CYYR1: variants seen among roughly 807,000 people sequenced by gnomAD.
CYYR1 encodes cysteine and tyrosine-rich protein 1.
Under a neutral mutation model 15.2 loss-of-function variants are expected in CYYR1, and 14 were observed. The ratio of observed to expected loss-of-function variants is 0.92; its 90% confidence interval spans 0.61 to 1.44. The LOEUF is 1.44. Among genes scored for constraint, CYYR1 ranks in the 40% most tolerant of loss-of-function variants. The probability of loss-of-function intolerance (pLI) is 0.00; values close to 1 mark genes in which losing one functional copy is unlikely to be tolerated. For missense variants in CYYR1, 228 were observed against 209.5 expected (o/e 1.09, Z -0.54); for synonymous variants, 80 against 77.4 (o/e 1.03, Z -0.18).
At chr21:26,474,638 G>A (rs17002198) in intron 3 of CYYR1, among the ~76,000 whole-genome samples, 3,512 of 151,844 alleles carry the variant, frequency 0.023, 133 homozygotes, top group African/African-American at 0.079. Flanking sequence ...TTCTCTTATC[G>A]TTCTTGTGAT....
chr21:26,548,885 C>T (rs1473857673), intron 2 of CYYR1, among the ~76,000 whole-genome samples: 1 of 152,126 alleles, frequency 6.6e-6, no homozygotes, highest in Non-Finnish European at 1.5e-5. Flanking sequence ...GAAATCTCTA[C>T]TTTTCACTGA....
chr21:26,497,066 A>G (rs1361563018), intron 2 of CYYR1, among the ~76,000 whole-genome samples: 1 of 152,064 alleles, frequency 6.6e-6, no homozygotes, highest in East Asian at 1.9e-4. Flanking sequence ...ACAACACACA[A>G]CTTTGCTATA....
intron 2 of CYYR1, among the ~76,000 whole-genome samples, chr21:26,516,998 C>T (rs1041803198): frequency 6.7e-6 from 1 of 149,636 alleles, no homozygotes; most frequent in African/African-American, 2.5e-5. Context: ...GCCTGTAGTC[C>T]CAGCTACTCG....
chr21:26,469,808 G>A (rs1236078169), intron 3 of CYYR1, among the ~76,000 whole-genome samples: 1 of 151,880 alleles, frequency 6.6e-6, no homozygotes, highest in Admixed American at 6.6e-5. Flanking sequence ...AGTATCCTCT[G>A]TTCTACCTTT....
chr21:26,502,417 GTAAC>G (rs1259734689), intron 2 of CYYR1, among the ~76,000 whole-genome samples: 1 of 151,608 alleles, frequency 6.6e-6, no homozygotes, highest in Admixed American at 6.6e-5. Context: ...GACAGGAAGA[GTAAC>G]TAATAATTAC....
chr21:26,543,043 G>C (rs1978684031), intron 2 of CYYR1, among the ~76,000 whole-genome samples: 4 of 152,170 alleles, frequency 2.6e-5, no homozygotes, highest in Admixed American at 2.6e-4. Context: ...TCAAGTTAAA[G>C]TCTTTAAAAA....
At chr21:26,520,893 C>T (rs570511823) in intron 2 of CYYR1, among the ~76,000 whole-genome samples, 8 of 152,222 alleles carry the variant, frequency 5.3e-5, no homozygotes, top group African/African-American at 1.2e-4. Context: ...GGACATGGAT[C>T]GACCTGGAAG....
chr21:26,548,753 C>T (rs1979163768), intron 2 of CYYR1, among the ~76,000 whole-genome samples: 1 of 152,092 alleles, frequency 6.6e-6, no homozygotes, highest in Admixed American at 6.5e-5. Flanking sequence ...AATTTTCTAC[C>T]CACTGGATCT....
Position 26,502,634 on chromosome 21 carries a change from G to A in CYYR1, c.177-22205C>T, listed in dbSNP as rs117285198. 1.4e-3 allele frequency among the ~76,000 whole-genome samples: 206 copies of A among 152,200 alleles called. 4 individuals are homozygous for A. In the East Asian group the frequency reaches 0.039, roughly 29 times the overall value. On this transcript the variant is annotated intron_variant, in intron 2 of 3. Coordinates refer to ENST00000652641, the MANE Select transcript of CYYR1 (RefSeq NM_001320768.2). Reference sequence around the variant, plus strand: ...ATGCACACAAGGGCAAGATATGACAGTGTCTATTTCTTCTAGAGGACTCCG... The same window carrying A: ...ATGCACACAAGGGCAAGATATGACAATGTCTATTTCTTCTAGAGGACTCCG...
chr21:26,499,376 G>A (rs1447737338), intron 2 of CYYR1, among the ~76,000 whole-genome samples: 1 of 152,234 alleles, frequency 6.6e-6, no homozygotes, highest in Non-Finnish European at 1.5e-5. Flanking sequence ...CCAGAAACTG[G>A]GAGAGGTAAG....
At chr21:26,474,048 GTTT>G (rs35327076) in intron 3 of CYYR1, among the ~76,000 whole-genome samples, 4 of 105,052 alleles carry the variant, frequency 3.8e-5, no homozygotes, top group Non-Finnish European at 6.2e-5. Flanking sequence ...TTTTGTTTTC[GTTT>G]TTTTTTTTTT....
At chr21:26,478,117 G>A in intron 3 of CYYR1, 1 of 1,549,462 alleles carries the variant, frequency 6.5e-7, no homozygotes, top group Non-Finnish European at 8.7e-7. Flanking sequence ...CAAGATCTCT[G>A]CCTCATGGAG....
Position 26,482,225 on chromosome 21 carries a change from T to C in CYYR1, c.177-1796A>G, listed in dbSNP as rs939162594. ...ATCTGCTGAGCCAAGCAATGTACCA[T>C]AGTTAACTTTTACAAATTATTATCG... On this transcript the variant is annotated intron_variant, in intron 2 of 3. Coordinates refer to ENST00000652641, the MANE Select transcript of CYYR1 (RefSeq NM_001320768.2). The C allele has an allele frequency of 3.2e-5, 28 of 873,110 alleles. No homozygotes were observed. In the African/African-American group the frequency reaches 4.0e-4, roughly 13 times the overall value. The allele number at this position is 873,110 out of a possible 1,614,324, so 54.1% of individuals were successfully genotyped here.
chr21:26,554,058 T>C (rs1355052255), intron 2 of CYYR1, among the ~76,000 whole-genome samples: 1 of 152,220 alleles, frequency 6.6e-6, no homozygotes, highest in African/African-American at 2.4e-5. Flanking sequence ...GTTGTGCTTT[T>C]TGTTCTTTTA....
At chr21:26,514,597 C>T (rs557093032) in intron 2 of CYYR1, among the ~76,000 whole-genome samples, 11 of 152,292 alleles carry the variant, frequency 7.2e-5, no homozygotes, top group African/African-American at 2.6e-4. Context: ...CTCAGCTATT[C>T]CTTTAGAGCA....
At chr21:26,572,320 C>T (rs1449661310) in intron 1 of CYYR1, among the ~76,000 whole-genome samples, 1 of 152,122 alleles carries the variant, frequency 6.6e-6, no homozygotes, top group Non-Finnish European at 1.5e-5. Context: ...ACCAGATGCC[C>T]TTCTCTTATA....
intron 2 of CYYR1, among the ~76,000 whole-genome samples, chr21:26,526,981 G>A (rs2065875113): frequency 6.6e-6 from 1 of 152,194 alleles, no homozygotes. Context: ...GCAGGCACAA[G>A]CTATGTTAAG....
intron 2 of CYYR1, among the ~76,000 whole-genome samples, chr21:26,556,147 T>A (rs1979761819): frequency 6.6e-6 from 1 of 152,188 alleles, no homozygotes; most frequent in African/African-American, 2.4e-5. Flanking sequence ...TGACACCTAA[T>A]CTGTATTCCA....
At chr21:26,505,487 G>A (rs1443375047) in intron 2 of CYYR1, among the ~76,000 whole-genome samples, 1 of 152,158 alleles carries the variant, frequency 6.6e-6, no homozygotes, top group East Asian at 1.9e-4. Context: ...ACCTTGCTAA[G>A]CTTTAATATT....
Sources: allele counts gnomAD v4.1 joint callset (sites outside exome capture counted in the v4.1 genomes callset), GRCh38; gene constraint gnomAD v4.1.1; transcripts MANE v1.5; gene names NCBI Gene and HGNC (gene_info 2026-07-23, HGNC 2026-07-21).